Variants in IRS1 observed in about 807,000 individuals in gnomAD.
IRS1 encodes insulin receptor substrate 1.
Under a neutral mutation model 65.6 loss-of-function variants are expected in IRS1, and 34 were observed. That is an observed-to-expected ratio of 0.52 (90% CI 0.39 to 0.69). The LOEUF (loss-of-function observed/expected upper bound fraction) is 0.69. Ranked by LOEUF, IRS1 falls within the 30% of genes least tolerant of loss-of-function variation. IRS1 has a pLI of 0.00. For synonymous variants in IRS1, 699 were observed against 683.5 expected, an observed-to-expected ratio of 1.02 and a Z score of -0.35; for missense variants, 1,641 against 1,720.2, an observed-to-expected ratio of 0.95 and a Z score of 0.81.
In IRS1 at chr2:226,795,896, G is replaced by A. The variant is rs370373307; in HGVS notation, c.2843C>T (p.Pro948Leu). 2.4e-5 allele frequency: 38 copies of A among 1,613,832 alleles called. 1 individual carries two copies. Among genetic ancestry groups the A allele is most frequent in the South Asian group, 2.2e-4 (20 of 91,084 alleles). ...TEEYMKMDLG[P>L]GRRAAWQEST... is the part of the protein sequence containing the mutation. ...CTCCTGCCAGGCTGCCCTCCGGCCC[G>A]GCCCCAGGTCCATCTTCATGTACTC... Residue 948 changes from proline (P) to leucine (L), a missense_variant, in exon 1 of 2, where the codon CCG becomes CTG. By Grantham distance (98) the Pro-to-Leu change is moderately conservative. Transcript: ENST00000305123.
chr2:226,795,063 A>T lies in IRS1; in HGVS notation c.3676T>A (p.Leu1226Ile), dbSNP rs1042439056. The T allele has an allele frequency of 6.3e-7, 1 of 1,597,022 alleles. No homozygotes were observed. The highest frequency in any genetic ancestry group is 8.5e-7 in the Non-Finnish European group (1 of 1,172,726). ...SSSTRRSSEDLSAYASISFQK... is the reference protein window; with the variant it reads ...SSSTRRSSEDISAYASISFQK... ...AAACTGATGCTGGCATAGGCGCTTA[A>T]ATCCTCACTTGAGCGGCGGGTGGAG... Residue 1226 changes from leucine (L) to isoleucine (I), a missense_variant, in exon 1 of 2, where the codon TTA becomes ATA. By Grantham distance (5) the Leu-to-Ile change is conservative. Transcript: ENST00000305123.
In IRS1 at chr2:226,794,274, C is replaced by T. The variant is rs964531225; in HGVS notation, c.*21+715G>A. Reference sequence around the variant, plus strand: ...TATCCTGTACAAGAGAGGCCAGGCCCGTGGGATGGTGGGTCGGTGTGTGAA... The same window carrying T: ...TATCCTGTACAAGAGAGGCCAGGCCTGTGGGATGGTGGGTCGGTGTGTGAA... On this transcript the variant is annotated intron_variant, in intron 1 of 1. Transcript: ENST00000305123. This position sits in a 1 kb window ranked among gnomAD's most constrained non-coding sequence, Gnocchi z 4.1. Among the ~76,000 whole-genome samples, 4 of 152,104 alleles carry T rather than the reference C, an allele frequency of 2.6e-5. No homozygotes were observed. The highest frequency in any genetic ancestry group is 5.9e-5 in the Non-Finnish European group (4 of 68,034).
intron 1 of IRS1, among the ~76,000 whole-genome samples, chr2:226,791,264 C>G (rs1174059367): frequency 6.6e-6 from 1 of 152,146 alleles, no homozygotes; most frequent in South Asian, 2.1e-4. Context: ...CGGGCCAACC[C>G]CACCTGGCCC....
intron 1 of IRS1, among the ~76,000 whole-genome samples, chr2:226,782,899 C>T (rs975091000): frequency 2.4e-4 from 37 of 152,282 alleles, no homozygotes; most frequent in Admixed American, 2.4e-3. Context: ...TACTCAGGTG[C>T]TAAGGTAGGA....
intron 1 of IRS1, among the ~76,000 whole-genome samples, chr2:226,786,116 A>G (rs111851950): frequency 0.066 from 8,971 of 136,150 alleles, 922 homozygotes; most frequent in African/African-American, 0.13. Context: ...GTGTATATGT[A>G]CCACATTTTC....
Position 226,796,749 on chromosome 2 carries a change from T to C in IRS1, c.1990A>G (p.Met664Val). ...PQRVDPNGYM[M>V]MSPSGGCSPD... ...GAGCAGCCACCGCTGGGGGACATCATCATGTAGCCATTGGGGTCCACTCTC... is the reference window on the plus strand; with the variant it reads ...GAGCAGCCACCGCTGGGGGACATCACCATGTAGCCATTGGGGTCCACTCTC... Residue 664 changes from methionine to valine, a missense_variant, in exon 1 of 2, where the codon ATG becomes GTG. Around this residue, in one of 3 missense-constraint regions of IRS1, gnomAD observed 1,324 missense variants for 1,361.0 expected, o/e 0.97. Transcript: ENST00000305123. 1 of 1,607,756 alleles carries C rather than the reference T, an allele frequency of 6.2e-7. No individual in the cohort carries two copies. The highest frequency in any genetic ancestry group is 1.1e-5 in the South Asian group (1 of 90,064).
chr2:226,796,381 A>G lies in IRS1; in HGVS notation c.2358T>C (p.His786=), dbSNP rs137866175. 6.7e-3 allele frequency: 10,866 copies of G among 1,613,336 alleles called. 59 individuals are homozygous for G. Among genetic ancestry groups the G allele is most frequent in the Non-Finnish European group, 8.7e-3 (10,219 of 1,180,026 alleles). Residue 786 remains histidine, a synonymous_variant, in exon 1 of 2, where the codon CAT becomes CAC. Coordinates refer to ENST00000305123, the MANE Select transcript of IRS1 (RefSeq NM_005544.3). ...RPGEPEEGAR[H]QHLRLSTSSG... ...AGCTAGTGGAAAGGCGGAGGTGCTG[A>G]TGCCGGGCACCCTCCTCCGGCTCCC...
At chr2:226,767,389 C>A (rs1384257447) in intron 1 of IRS1, among the ~76,000 whole-genome samples, 1 of 152,146 alleles carries the variant, frequency 6.6e-6, no homozygotes, top group African/African-American at 2.4e-5. Flanking sequence ...TAAAAAAAGG[C>A]CAACTCAAAA....
chr2:226,783,933 T>C (rs142687854), intron 1 of IRS1, among the ~76,000 whole-genome samples: 1 of 152,176 alleles, frequency 6.6e-6, no homozygotes, highest in East Asian at 1.9e-4. Context: ...TGGGTCAGTC[T>C]GCTGGGGACA....
intron 1 of IRS1, among the ~76,000 whole-genome samples, chr2:226,776,458 G>A (rs1005651086): frequency 2.6e-5 from 4 of 152,108 alleles, no homozygotes; most frequent in African/African-American, 9.7e-5. Flanking sequence ...GGAAAGGCGG[G>A]AAAAGGCTAA....
At chr2:226,738,723 G>T (rs1271256834) in intron 1 of IRS1, among the ~76,000 whole-genome samples, 1 of 152,186 alleles carries the variant, frequency 6.6e-6, no homozygotes, top group African/African-American at 2.4e-5. Context: ...TCTCCTGAAT[G>T]CATATAGGAA....
At chr2:226,769,865 T>C (rs1439661115) in intron 1 of IRS1, among the ~76,000 whole-genome samples, 1 of 152,218 alleles carries the variant, frequency 6.6e-6, no homozygotes, top group East Asian at 1.9e-4. Context: ...TTGAGACATA[T>C]CAGCCATTGA....
chr2:226,757,876 T>C (rs145254751), intron 1 of IRS1, among the ~76,000 whole-genome samples: 27 of 152,342 alleles, frequency 1.8e-4, no homozygotes, highest in African/African-American at 6.5e-4. Flanking sequence ...TATTTTAGAA[T>C]AGAAAAGTTG....
Position 226,796,283 on chromosome 2 carries a change from C to G in IRS1, c.2456G>C (p.Gly819Ala), listed in dbSNP as rs762719820. The G allele has an allele frequency of 9.3e-6, 15 of 1,613,358 alleles. No homozygotes were observed. The East Asian group carries it at 3.1e-4, about 34-fold the overall frequency. Residue 819 changes from glycine to alanine, a missense_variant, in exon 1 of 2, where the codon GGA (glycine) becomes GCA (alanine). Around this residue, in one of 3 missense-constraint regions of IRS1, gnomAD observed 1,324 missense variants for 1,361.0 expected, o/e 0.97. Transcript: ENST00000305123. ...SSTSSDSLGG[G>A]YCGARLEPSL... ...GGGCTCCAGCCTAGCCCCGCAGTAT[C>G]CCCCACCCAGGCTGTCGCTGCTGGT...
At chr2:226,765,739 G>A (rs1011058746) in intron 1 of IRS1, among the ~76,000 whole-genome samples, 5 of 151,988 alleles carry the variant, frequency 3.3e-5, no homozygotes, top group Admixed American at 2.0e-4. Context: ...TGCCACTTCC[G>A]TAAAAGAACT....
At chr2:226,786,707 C>T (rs541302824) in intron 1 of IRS1, among the ~76,000 whole-genome samples, 20 of 140,702 alleles carry the variant, frequency 1.4e-4, no homozygotes, top group African/African-American at 5.0e-4. Context: ...ACAGCATGTA[C>T]ATGTATCACC....
chr2:226,748,519 C>A (rs1938604945), intron 1 of IRS1, among the ~76,000 whole-genome samples: 1 of 150,918 alleles, frequency 6.6e-6, no homozygotes, highest in African/African-American at 2.4e-5. Context: ...AATAAATTCA[C>A]TTTAAAAAAT....
At chr2:226,792,760 T>C (rs1168149793) in intron 1 of IRS1, among the ~76,000 whole-genome samples, 2 of 152,238 alleles carry the variant, frequency 1.3e-5, no homozygotes, top group African/African-American at 4.8e-5. Flanking sequence ...AGGAAAATAA[T>C]GTTTGCACAC....
chr2:226,796,222 G>C lies in IRS1; in HGVS notation c.2517C>G (p.Pro839=). The change falls in exon 1 of 2, where the codon CCC becomes CCG. Residue 839 remains proline (P), a synonymous_variant. Coordinates refer to ENST00000305123, the MANE Select transcript of IRS1 (RefSeq NM_005544.3). ...CTGTGTCCACCTTTCGAGGCAGATG[G>C]GGCTGCAGAACCTGATGGTGGGGAT... ...LPHPHHQVLQ[P]HLPRKVDTAA... 6.2e-7 allele frequency: 1 copy of C among 1,613,386 alleles called. No individual in the cohort carries two copies. The highest frequency in any genetic ancestry group is 8.5e-7 in the Non-Finnish European group (1 of 1,179,790).
Sources: gnomAD v4.1 joint callset for allele counts (sites outside exome capture counted in the v4.1 genomes callset) on GRCh38, gnomAD v4.1.1 for gene constraint, gnomAD v4.1.1 regional missense constraint, Gnocchi (gnomAD v3.1) non-coding constraint, MANE v1.5 for transcripts, NCBI Gene and HGNC (gene_info 2026-07-23, HGNC 2026-07-21) for gene names.